Variants in XKR9 observed in about 807,000 individuals in gnomAD.
XKR9 encodes XK related 9.
Under a neutral mutation model 32.0 loss-of-function variants are expected in XKR9, and 32 were observed. The observed-to-expected ratio is 1.00, with a 90% CI of 0.76 to 1.34. The LOEUF is 1.34. XKR9 is among the 40% of genes most tolerant of loss of function. XKR9 has a pLI of 0.00. For missense variants in XKR9, 546 were observed against 429.7 expected, an observed-to-expected ratio of 1.27 and a Z score of -2.39; for synonymous variants, 168 against 143.4, an observed-to-expected ratio of 1.17 and a Z score of -1.22.
chr8:70,739,053 T>C (rs1472354146), downstream of XKR9, among the ~76,000 whole-genome samples: 1 of 143,676 alleles, frequency 7.0e-6, no homozygotes, highest in African/African-American at 2.5e-5. Context: ...TTGATCTGTC[T>C]AATGTTGACA....
chr8:70,877,543 G>A, the XKR9 span, among the ~76,000 whole-genome samples: 3 of 151,874 alleles, frequency 2.0e-5, no homozygotes, highest in Non-Finnish European at 2.9e-5. Flanking sequence ...GTCTTAAAAA[G>A]TTTGTATTAT....
chr8:70,784,943 T>A, intron 2 of XKR9, among the ~76,000 whole-genome samples: 1 of 152,062 alleles, frequency 6.6e-6, no homozygotes, highest in Admixed American at 6.6e-5. Flanking sequence ...ATGCTTTTTC[T>A]ACACCTACCA....
chr8:70,690,192 AT>A (rs1441900223), intron 3 of XKR9, among the ~76,000 whole-genome samples: 1 of 152,086 alleles, frequency 6.6e-6, no homozygotes, highest in Non-Finnish European at 1.5e-5. Flanking sequence ...ATTACATATT[AT>A]TACATCACTC....
At chr8:70,842,399 G>A in the XKR9 span, among the ~76,000 whole-genome samples, 1 of 152,170 alleles carries the variant, frequency 6.6e-6, no homozygotes, top group East Asian at 1.9e-4. Flanking sequence ...AGAAGTTCTA[G>A]TTCCTTTGAA....
intron 3 of XKR9, among the ~76,000 whole-genome samples, chr8:70,698,972 T>A (rs1181581629): frequency 6.6e-6 from 1 of 152,198 alleles, no homozygotes; most frequent in Non-Finnish European, 1.5e-5. Context: ...TCTTTGTTGG[T>A]TTAAAGTCTC....
At chr8:70,961,534 C>T in the XKR9 span, among the ~76,000 whole-genome samples, 13 of 152,042 alleles carry the variant, frequency 8.6e-5, no homozygotes. Flanking sequence ...TTGTCTATTG[C>T]CTGAAATATA....
chr8:71,022,543 G>T, the XKR9 span, among the ~76,000 whole-genome samples: 1 of 152,114 alleles, frequency 6.6e-6, no homozygotes, highest in Non-Finnish European at 1.5e-5. Context: ...GCTGTTTTCA[G>T]AATTCTCTCT....
chr8:71,029,615 C>T, the XKR9 span, among the ~76,000 whole-genome samples: 1 of 151,848 alleles, frequency 6.6e-6, no homozygotes, highest in African/African-American at 2.4e-5. Context: ...CAAGAAAACC[C>T]AACAATTGAA....
At chr8:70,717,129 C>T (rs1806119664) in intron 4 of XKR9, among the ~76,000 whole-genome samples, 2 of 152,196 alleles carry the variant, frequency 1.3e-5, no homozygotes, top group Non-Finnish European at 1.5e-5. Context: ...TTGCAGGGTA[C>T]AGCCCCACTC....
At chr8:70,987,285 A>G in the XKR9 span, among the ~76,000 whole-genome samples, 2 of 152,242 alleles carry the variant, frequency 1.3e-5, no homozygotes, top group African/African-American at 2.4e-5. Context: ...TCCACAGTCC[A>G]AAGTTTCATC....
chr8:70,818,856 G>A, the XKR9 span, among the ~76,000 whole-genome samples: 1 of 152,162 alleles, frequency 6.6e-6, no homozygotes, highest in Non-Finnish European at 1.5e-5. Flanking sequence ...CAAGTCCGTG[G>A]CCAGTCATCT....
At chr8:70,966,168 A>T in the XKR9 span, among the ~76,000 whole-genome samples, 1 of 152,042 alleles carries the variant, frequency 6.6e-6, no homozygotes, top group African/African-American at 2.4e-5. Context: ...TAATTTCATT[A>T]TTTACCTAGG....
At chr8:70,825,745 A>G in the XKR9 span, among the ~76,000 whole-genome samples, 1 of 152,082 alleles carries the variant, frequency 6.6e-6, no homozygotes, top group Non-Finnish European at 1.5e-5. Context: ...TAGATAAGCC[A>G]TGGGGAAATC....
At chr8:70,703,354 A>T (rs913763685) in intron 3 of XKR9, among the ~76,000 whole-genome samples, 2 of 152,136 alleles carry the variant, frequency 1.3e-5, no homozygotes, top group East Asian at 3.8e-4. Context: ...AGGTGGCTAT[A>T]AAACAAAATA....
At chr8:70,822,226 C>G in the XKR9 span, among the ~76,000 whole-genome samples, 1 of 152,094 alleles carries the variant, frequency 6.6e-6, no homozygotes, top group Non-Finnish European at 1.5e-5. Flanking sequence ...TTTGTTGTAT[C>G]ACATAACATT....
intron 2 of XKR9, among the ~76,000 whole-genome samples, chr8:70,779,069 G>C (rs1220642885): frequency 6.6e-6 from 1 of 152,146 alleles, no homozygotes; most frequent in African/African-American, 2.4e-5. Context: ...CATTCAGTAT[G>C]ATATTGGCTG....
the XKR9 span, among the ~76,000 whole-genome samples, chr8:70,969,631 T>A: frequency 6.6e-6 from 1 of 152,346 alleles, no homozygotes; most frequent in Admixed American, 6.5e-5. Context: ...TCCCTTTCCC[T>A]CATTTTTCCA....
intron 2 of XKR9, among the ~76,000 whole-genome samples, chr8:70,765,978 G>T (rs1442733721): frequency 6.6e-6 from 1 of 152,038 alleles, no homozygotes; most frequent in Non-Finnish European, 1.5e-5. Context: ...GTCTGTTTCG[G>T]TAACAGTCTT....
At chr8:71,005,209 T>TTTTC in the XKR9 span, among the ~76,000 whole-genome samples, 1 of 146,514 alleles carries the variant, frequency 6.8e-6, no homozygotes, top group Non-Finnish European at 1.5e-5. Flanking sequence ...GCTCAGTTTT[T>TTTTC]TTTTCTTTTC....
Sources: allele counts gnomAD v4.1 joint callset (sites outside exome capture counted in the v4.1 genomes callset), GRCh38; gene constraint gnomAD v4.1.1; transcripts MANE v1.5; gene names NCBI Gene and HGNC (gene_info 2026-07-23, HGNC 2026-07-21).